Variants in MYO7A observed in about 807,000 individuals in gnomAD.
MYO7A encodes the protein myosin VIIA, also known as unconventional myosin-VIIa.
A neutral mutation model predicts 263.8 loss-of-function variants in MYO7A; 210 were observed. That is an observed-to-expected ratio of 0.80 (90% CI 0.71 to 0.89). MYO7A has a LOEUF of 0.89. Among genes scored for constraint, MYO7A ranks in the 40% least tolerant of loss-of-function variants. The probability of loss-of-function intolerance (pLI) is 0.00; values close to 1 mark genes in which losing one functional copy is unlikely to be tolerated. For missense variants in MYO7A, 2,820 were observed against 2,968.3 expected (o/e 0.95, Z 1.16); for synonymous variants, 1,239 against 1,197.3 (o/e 1.03, Z -0.72).
In MYO7A at chr11:77,159,427, G is replaced by A. The variant is rs1342206187; in HGVS notation, c.1004-20G>A. On this transcript the variant is annotated intron_variant, in intron 9 of 48. Coordinates refer to ENST00000409709, the MANE Select transcript of MYO7A (RefSeq NM_000260.4). The stretch of plus-strand genomic sequence containing the variant: ...TGCCCACCCTCCCTCCCCTGATGCT[G>A]TGCCCCTTGCTGCCAACAGCACGCA... 9.8e-6 allele frequency: 13 copies of A among 1,326,762 alleles called. No homozygotes were observed. The highest frequency in any genetic ancestry group is 6.2e-5 in the African/African-American group (4 of 64,886). The allele number at this position is 1,326,762 out of a possible 1,614,324, so 82.2% of individuals were successfully genotyped here. A position where few individuals can be genotyped will look rare whatever the true frequency, so the allele number is the denominator to read the frequency against.
chr11:77,209,629 A>C (rs528874740), intron 44 of MYO7A, among the ~76,000 whole-genome samples: 8 of 151,394 alleles, frequency 5.3e-5, no homozygotes, highest in South Asian at 2.1e-4. Context: ...CCACGTCCCA[A>C]ATCACTTACC....
chr11:77,212,807 C>A, intron 46 of MYO7A, 145 bp from the exon 47 acceptor site: 1 of 700,124 alleles, frequency 1.4e-6, no homozygotes, highest in South Asian at 1.7e-5. Flanking sequence ...GAGGTGGAAG[C>A]CATAGGTCAT....
rs1205123807 is a variant in MYO7A, at chr11:77,184,731, C to T, written c.3503+16C>T. ...CAGCACTCCGGTCAGTGCCGGGAGG[C>T]GGGGACACCAGGGCCTGAAAGTCTT... is the stretch of plus-strand genomic sequence containing the variant. On this transcript the variant is annotated intron_variant, in intron 27 of 48. Transcript: ENST00000409709. The T allele has an allele frequency of 1.3e-5, 6 of 476,242 alleles. No individual in the cohort carries two copies. Among genetic ancestry groups the T allele is most frequent in the African/African-American group, 8.2e-5 (2 of 24,302 alleles). 29.5% of individuals were successfully genotyped at this position (476,242 alleles called of 1,614,324 possible).
At chr11:77,203,465 G>A (rs1038188116) in intron 38 of MYO7A, among the ~76,000 whole-genome samples, 2 of 152,204 alleles carry the variant, frequency 1.3e-5, no homozygotes, top group Admixed American at 6.5e-5. Context: ...GTAGAGCAGG[G>A]ACCAGCCCAG....
chr11:77,180,525 C>A, intron 22 of MYO7A, 44 bp downstream of exon 22: 1 of 1,545,034 alleles, frequency 6.5e-7, no homozygotes, highest in Non-Finnish European at 8.9e-7. Context: ...CACTTGCTGG[C>A]TTGTCCCCTC....
chr11:77,170,116 T>C (rs1311762093), intron 15 of MYO7A, among the ~76,000 whole-genome samples: 1 of 152,102 alleles, frequency 6.6e-6, no homozygotes, highest in Non-Finnish European at 1.5e-5. Context: ...AAGTAAAACC[T>C]GCAGTGTATC....
intron 4 of MYO7A, among the ~76,000 whole-genome samples, chr11:77,152,120 C>T (rs1418599406): frequency 6.6e-6 from 1 of 152,216 alleles, no homozygotes; most frequent in Non-Finnish European, 1.5e-5. Context: ...CTCTTGCCCT[C>T]TTACTGGAGA....
intron 27 of MYO7A, among the ~76,000 whole-genome samples, chr11:77,186,909 T>C (rs1955685516): frequency 6.6e-6 from 1 of 152,194 alleles, no homozygotes; most frequent in Non-Finnish European, 1.5e-5. Flanking sequence ...TAGCTTTTGA[T>C]TAAAAGTGAA....
chr11:77,202,805 C>T (rs540012340), intron 37 of MYO7A, among the ~76,000 whole-genome samples: 132 of 149,230 alleles, frequency 8.8e-4, no homozygotes, highest in African/African-American at 3.1e-3. Flanking sequence ...CTACAGGGGG[C>T]GCAGGGTGGT....
In MYO7A at chr11:77,179,727, C is replaced by T. The variant is rs1555082538; in HGVS notation, c.2368-8C>T. 6.5e-7 allele frequency: 1 copy of T among 1,527,758 alleles called. No individual in the cohort carries two copies. The highest frequency in any genetic ancestry group is 2.5e-5 in the East Asian group (1 of 40,542). 94.6% of individuals were successfully genotyped at this position (1,527,758 alleles called of 1,614,324 possible). A position where few individuals can be genotyped will look rare whatever the true frequency, so the allele number is the denominator to read the frequency against. On this transcript the variant is annotated splice_polypyrimidine_tract_variant and splice_region_variant and intron_variant, in intron 20 of 48. Coordinates refer to ENST00000409709, the MANE Select transcript of MYO7A (RefSeq NM_000260.4). ...CAGGCTCTGAGCATGGGGTGGCTGT[C>T]CTTGCAGATGCGTCTGGGCTTCCTG...
At position 77,197,570 on chromosome 11, in the gene MYO7A, C is replaced by T. The variant is rs1956760907; in HGVS notation, c.4413C>T (p.Ser1471=). The change falls in exon 33 of 49, where the codon TCC becomes TCT. Residue 1471 remains serine (S), a synonymous_variant. Transcript: ENST00000409709. ...GCTTCAAGTGGCCCTTGCTCTTCTC[C>T]AGGTTTTATGAAGCCTACAAATTCT... ...YARFKWPLLF[S]RFYEAYKFSG... 1 of 1,602,948 alleles carries T rather than the reference C, an allele frequency of 6.2e-7. No individual in the cohort carries two copies. Among genetic ancestry groups the T allele is most frequent in the African/African-American group, 1.3e-5 (1 of 74,792 alleles).
chr11:77,140,693 C>T (rs1388449123), intron 2 of MYO7A, among the ~76,000 whole-genome samples: 1 of 152,230 alleles, frequency 6.6e-6, no homozygotes, highest in Non-Finnish European at 1.5e-5. Context: ...TCAGGGAGTG[C>T]AGCTGGGGCT....
chr11:77,207,224 G>A, intron 41 of MYO7A, 65 bp from the exon 42 acceptor site: 1 of 1,182,150 alleles, frequency 8.5e-7, no homozygotes, highest in Non-Finnish European at 1.2e-6. Flanking sequence ...ATAGCCAGAG[G>A]GGCCCGGGAG....
chr11:77,156,828 G>A (rs782777032), intron 6 of MYO7A, 34 bp from the exon 7 acceptor site: 55 of 1,613,816 alleles, frequency 3.4e-5, no homozygotes, highest in African/African-American at 8.0e-5. Flanking sequence ...GGGCGGGAGC[G>A]GGCTTTGCCA....
At chr11:77,183,043 A>T in intron 25 of MYO7A, 25 bp from the exon 26 acceptor site, 2 of 1,546,506 alleles carry the variant, frequency 1.3e-6, no homozygotes, top group South Asian at 1.2e-5. Flanking sequence ...CAGCCACTTG[A>T]CCCTGATCCC....
chr11:77,177,229 G>C (rs2135445538), intron 18 of MYO7A, among the ~76,000 whole-genome samples: 2 of 152,320 alleles, frequency 1.3e-5, no homozygotes, highest in East Asian at 3.9e-4. Context: ...GGGACGTCTA[G>C]AAGCAGGGGG....
At chr11:77,209,873 C>T (rs7125134) in intron 44 of MYO7A, among the ~76,000 whole-genome samples, 81,039 of 151,616 alleles carry the variant, frequency 0.53, 21,799 homozygotes, top group Middle Eastern at 0.61. Flanking sequence ...CCGTCCTGGC[C>T]GTGGCCCTGC....
chr11:77,204,463 A>G (rs960643605), intron 39 of MYO7A, among the ~76,000 whole-genome samples: 16 of 152,224 alleles, frequency 1.1e-4, no homozygotes, highest in African/African-American at 3.6e-4. Flanking sequence ...TAAGGGTAAC[A>G]GCCCCAGCTC....
intron 1 of MYO7A, 60 bp from the exon 2 acceptor site, chr11:77,130,529 A>G (rs924061948): frequency 2.2e-6 from 3 of 1,387,432 alleles, no homozygotes; most frequent in Middle Eastern, 3.6e-4. Context: ...GACCCCAGCC[A>G]GGCTCAAGGC....
Sources: gnomAD v4.1 joint callset for allele counts (sites outside exome capture counted in the v4.1 genomes callset) on GRCh38, gnomAD v4.1.1 for gene constraint, MANE v1.5 for transcripts, NCBI Gene and HGNC (gene_info 2026-07-23, HGNC 2026-07-21) for gene names.